RANBP17: variants seen among roughly 807,000 people sequenced by gnomAD.
The protein encoded by RANBP17 is RAN binding protein 17, also known as ran-binding protein 17.
Under a neutral mutation model 141.2 loss-of-function variants are expected in RANBP17, and 158 were observed. The observed-to-expected ratio is 1.12, with a 90% CI of 0.98 to 1.28. RANBP17 has a LOEUF of 1.28. RANBP17 is among the 50% of genes most tolerant of loss of function. The pLI is 0.00. For missense variants in RANBP17, 1,438 were observed against 1,290.7 expected (o/e 1.11, Z -1.75); for synonymous variants, 430 against 450.0 (o/e 0.96, Z 0.56).
intron 14 of RANBP17, among the ~76,000 whole-genome samples, chr5:171,080,131 C>T (rs1785173507): frequency 6.6e-6 from 1 of 152,018 alleles, no homozygotes; most frequent in Admixed American, 6.6e-5. Flanking sequence ...ACTCCCTCTG[C>T]CCACACACTT....
chr5:171,093,178 C>A (rs1164719832), intron 14 of RANBP17, among the ~76,000 whole-genome samples: 1 of 150,618 alleles, frequency 6.6e-6, no homozygotes, highest in Non-Finnish European at 1.5e-5. Context: ...CCGTTGCACT[C>A]CAGACTGGAC....
intron 25 of RANBP17, among the ~76,000 whole-genome samples, 168 bp downstream of exon 25, chr5:171,266,015 A>G (rs979713007): frequency 1.3e-5 from 2 of 152,152 alleles, no homozygotes; most frequent in African/African-American, 2.4e-5. Context: ...GGGAAAACAC[A>G]GGCCTTAGGA....
intron 14 of RANBP17, among the ~76,000 whole-genome samples, chr5:170,981,330 A>G (rs1383818722): frequency 2.0e-5 from 3 of 152,166 alleles, no homozygotes; most frequent in Non-Finnish European, 4.4e-5. Context: ...GTTTTGAAAT[A>G]TAAGGACATG....
intron 14 of RANBP17, among the ~76,000 whole-genome samples, chr5:170,993,741 A>G (rs186526453): frequency 7.3e-4 from 111 of 152,160 alleles, no homozygotes; most frequent in African/African-American, 2.6e-3. Context: ...TTCTGGTTCA[A>G]TTTAACCAAT....
At chr5:171,171,419 T>C (rs1200147142) in intron 16 of RANBP17, 133 bp downstream of exon 16, 2 of 505,346 alleles carry the variant, frequency 4.0e-6, no homozygotes, top group African/African-American at 2.0e-5. Flanking sequence ...TTTAGCCTTA[T>C]CTGTAAATGC....
At chr5:170,897,804 T>C (rs2127395658) in intron 5 of RANBP17, among the ~76,000 whole-genome samples, 1 of 152,380 alleles carries the variant, frequency 6.6e-6, no homozygotes, top group Middle Eastern at 3.4e-3. Flanking sequence ...TTATCCAGTC[T>C]ATCATTGATG....
Position 171,088,931 on chromosome 5 carries a change from A to G in RANBP17, c.1711-81199A>G, listed in dbSNP as rs1224316808. 2.6e-5 allele frequency among the ~76,000 whole-genome samples: 4 copies of G among 151,798 alleles called. No individual in the cohort carries two copies. The East Asian group carries it at 7.8e-4, about 30-fold the overall frequency. On this transcript the variant is annotated intron_variant, in intron 14 of 27. Coordinates refer to ENST00000523189, the MANE Select transcript of RANBP17 (RefSeq NM_022897.5). Reference sequence around the variant, plus strand: ...GAATGTCCTCCTGTAGCTCAGAGTAATTTGATCGTCTGAAGCCTTCTTCTC... The same window carrying G: ...GAATGTCCTCCTGTAGCTCAGAGTAGTTTGATCGTCTGAAGCCTTCTTCTC...
intron 14 of RANBP17, among the ~76,000 whole-genome samples, chr5:171,003,745 C>A (rs527789849): frequency 2.6e-5 from 4 of 152,168 alleles, no homozygotes; most frequent in African/African-American, 7.2e-5. Context: ...GTAATGAGGG[C>A]TGTCCCTGAA....
At chr5:171,136,502 A>G (rs1355202992) in intron 14 of RANBP17, among the ~76,000 whole-genome samples, 7 of 151,896 alleles carry the variant, frequency 4.6e-5, no homozygotes. Flanking sequence ...TTTAGGTAAG[A>G]TTATATTATA....
At position 171,012,862 on chromosome 5, in the gene RANBP17, C is replaced by T. The variant is rs79671290; in HGVS notation, c.1710+44485C>T. ...AAATGTATATGGTTGCTTGCAGATA[C>T]GATCAAATCACAGAATAGTTACATT... is the stretch of plus-strand genomic sequence containing the variant. On this transcript the variant is annotated intron_variant, in intron 14 of 27. Transcript: ENST00000523189. Among the ~76,000 whole-genome samples the T allele has an allele frequency of 9.7e-3, 1,478 of 152,192 alleles. 61 individuals are homozygous for T. Among genetic ancestry groups the T allele is most frequent in the East Asian group, 0.08 (415 of 5,170 alleles).
intron 14 of RANBP17, among the ~76,000 whole-genome samples, chr5:171,168,497 T>C (rs72827564): frequency 6.6e-6 from 1 of 152,152 alleles, no homozygotes; most frequent in Non-Finnish European, 1.5e-5. Context: ...GGGACCCAAT[T>C]TGTATACTTC....
rs763508259 is a variant in RANBP17, at chr5:170,881,910, T to C, written c.256+14T>C. 8.4e-6 allele frequency: 13 copies of C among 1,550,782 alleles called. No homozygotes were observed. The South Asian group carries it at 1.5e-4, about 18-fold the overall frequency. On this transcript the variant is annotated intron_variant, in intron 3 of 27. Coordinates refer to ENST00000523189, the MANE Select transcript of RANBP17 (RefSeq NM_022897.5). ...GGATGGACATCAGTAAGTGGCTTATTATGCTTTTTAACCAACTGCGCTTTA... is the reference window on the plus strand; with the variant it reads ...GGATGGACATCAGTAAGTGGCTTATCATGCTTTTTAACCAACTGCGCTTTA...
intron 14 of RANBP17, among the ~76,000 whole-genome samples, chr5:171,135,234 C>A (rs1581707968): frequency 7.2e-6 from 1 of 138,152 alleles, no homozygotes; most frequent in Non-Finnish European, 1.5e-5. Context: ...GAGCTGAGAT[C>A]AAGCCACTGC....
intron 14 of RANBP17, among the ~76,000 whole-genome samples, chr5:171,160,392 G>A (rs1561717095): frequency 6.6e-6 from 1 of 152,072 alleles, no homozygotes; most frequent in Non-Finnish European, 1.5e-5. Flanking sequence ...AAAGAAAAGA[G>A]ACATTCCAAT....
chr5:170,905,311 CTG>C (rs1160196005), intron 5 of RANBP17, among the ~76,000 whole-genome samples: 2 of 152,108 alleles, frequency 1.3e-5, no homozygotes, highest in African/African-American at 4.8e-5. Context: ...TGTTTAAAAA[CTG>C]TCATCTTGAG....
chr5:170,913,571 A>T (rs1399857409), intron 7 of RANBP17, among the ~76,000 whole-genome samples: 1 of 152,062 alleles, frequency 6.6e-6, no homozygotes. Context: ...AAACACATAG[A>T]ATTGATTTAA....
chr5:171,085,296 G>A (rs1785568473), intron 14 of RANBP17, among the ~76,000 whole-genome samples: 1 of 140,468 alleles, frequency 7.1e-6, no homozygotes, highest in Non-Finnish European at 1.5e-5. Flanking sequence ...TATTTCTGAG[G>A]GCTCTGTTCT....
intron 14 of RANBP17, chr5:171,143,149 C>T (rs937360823): frequency 6.6e-6 from 1 of 152,166 alleles, no homozygotes; most frequent in Non-Finnish European, 1.5e-5. Context: ...TTGATACCTC[C>T]ACAAAATAAT....
intron 14 of RANBP17, among the ~76,000 whole-genome samples, chr5:171,147,339 TTGTGTGTGTGTGTGTG>T (rs59202388): frequency 4.8e-5 from 5 of 104,854 alleles, no homozygotes; most frequent in East Asian, 6.9e-4. Context: ...CTTGGTTGTT[TTGTGTGTGTGTGTGTG>T]TGTGTGTGTG....
Sources: allele counts gnomAD v4.1 joint callset (sites outside exome capture counted in the v4.1 genomes callset), GRCh38; gene constraint gnomAD v4.1.1; transcripts MANE v1.5; gene names NCBI Gene and HGNC (gene_info 2026-07-23, HGNC 2026-07-21).